Variants in MIB1 observed in about 807,000 individuals in gnomAD.
MIB1 encodes E3 ubiquitin-protein ligase MIB1.
Under a neutral mutation model 124.5 loss-of-function variants are expected in MIB1, and 278 were observed. The observed-to-expected ratio is 2.23, with a 90% CI of 2.02 to 2.47. The LOEUF is 2.47. Ranked by LOEUF, MIB1 falls within the 30% of genes most tolerant of loss-of-function variation. The pLI is 0.00. For synonymous variants in MIB1, 446 were observed against 429.4 expected, an observed-to-expected ratio of 1.04 and a Z score of -0.48; for missense variants, 957 against 1,254.4, an observed-to-expected ratio of 0.76 and a Z score of 3.58.
intron 11 of MIB1, 140 bp downstream of exon 11, chr18:21,815,953 A>G (rs1019683095): frequency 1.3e-6 from 1 of 773,962 alleles, no homozygotes; most frequent in Non-Finnish European, 2.0e-6. Flanking sequence ...AGATGTTACA[A>G]AATTGGCAGC....
intron 15 of MIB1, among the ~76,000 whole-genome samples, chr18:21,845,453 G>A (rs1382394860): frequency 6.6e-6 from 1 of 152,052 alleles, no homozygotes. Flanking sequence ...GATCGCTAAG[G>A]TTTTCTTTTA....
In MIB1 at chr18:21,779,488, G is replaced by GAA; in HGVS notation, c.712_713dup (p.Asn238LysfsTer16). ...TTGCCTCTGAAATTACAGGTGAGCA[G>GAA]AATGGCAACAGGAATCCTGGTGGAT... On this transcript the variant is annotated frameshift_variant, in exon 6 of 21. Coordinates refer to ENST00000261537, the MANE Select transcript of MIB1 (RefSeq NM_020774.4). LOFTEE classifies it high-confidence loss of function. The GAA allele has an allele frequency of 6.2e-7, 1 of 1,614,058 alleles. No homozygotes were observed. Among genetic ancestry groups the GAA allele is most frequent in the Non-Finnish European group, 8.5e-7 (1 of 1,179,930 alleles).
At chr18:21,752,549 T>A (rs2040986213) in intron 1 of MIB1, among the ~76,000 whole-genome samples, 1 of 152,224 alleles carries the variant, frequency 6.6e-6, no homozygotes, top group African/African-American at 2.4e-5. Context: ...AACGAACTCA[T>A]GTAACCTGGG....
chr18:21,756,724 A>C (rs1053611276), intron 1 of MIB1, among the ~76,000 whole-genome samples: 3 of 152,174 alleles, frequency 2.0e-5, no homozygotes, highest in Non-Finnish European at 4.4e-5. Flanking sequence ...TGGGCCTCCC[A>C]AAGTGCTGGG....
At position 21,844,091 on chromosome 18, in the gene MIB1, G is replaced by T; in HGVS notation, c.2050-1G>T. The stretch of plus-strand genomic sequence containing the variant: ...CAAAATGAGACATCTTTCTCTTTTA[G>T]CTTTTGGTCCGTGCAGGTGCCAAGC... On this transcript the variant is annotated splice_acceptor_variant, in intron 14 of 20. Transcript: ENST00000261537. LOFTEE classifies it high-confidence loss of function. The T allele has an allele frequency of 6.2e-7, 1 of 1,613,408 alleles. No individual in the cohort carries two copies. The highest frequency in any genetic ancestry group is 8.5e-7 in the Non-Finnish European group (1 of 1,179,838).
rs201260273 is a variant in MIB1, at chr18:21,861,662, AC to A, written c.2881-2863del. ...CCTTCAAGGTTATTAAAAAAAAAAA[AC>A]AAACAACAACCAGAAAACATTCGAA... On this transcript the variant is annotated intron_variant, in intron 20 of 20. Coordinates refer to ENST00000261537, the MANE Select transcript of MIB1 (RefSeq NM_020774.4). 5.2e-3 allele frequency among the ~76,000 whole-genome samples: 759 copies of A among 146,648 alleles called. 10 individuals carry two copies. Among genetic ancestry groups the A allele is most frequent in the Middle Eastern group, 0.05 (14 of 278 alleles).
At chr18:21,842,506 A>G (rs1461905925) in intron 13 of MIB1, among the ~76,000 whole-genome samples, 1 of 152,150 alleles carries the variant, frequency 6.6e-6, no homozygotes, top group Non-Finnish European at 1.5e-5. Flanking sequence ...CTGACTCCCA[A>G]GTGCACTTAT....
intron 13 of MIB1, among the ~76,000 whole-genome samples, chr18:21,840,513 G>T (rs1426005054): frequency 6.6e-6 from 1 of 151,742 alleles, no homozygotes; most frequent in Admixed American, 6.6e-5. Flanking sequence ...AGCCAGCCAG[G>T]CCTGTTGACT....
chr18:21,749,684 A>G (rs2040952348), intron 1 of MIB1, among the ~76,000 whole-genome samples: 1 of 85,642 alleles, frequency 1.2e-5, no homozygotes, highest in Non-Finnish European at 2.0e-5. Flanking sequence ...TTTATTGCCC[A>G]GGCTGGAGTA....
chr18:21,721,327 T>C (rs1165373098), intron 1 of MIB1, among the ~76,000 whole-genome samples: 1 of 151,400 alleles, frequency 6.6e-6, no homozygotes, highest in Non-Finnish European at 1.5e-5. Flanking sequence ...ATTACAAGCA[T>C]ACACCGCCAC....
intron 13 of MIB1, among the ~76,000 whole-genome samples, chr18:21,838,840 CTG>C (rs2042057549): frequency 6.6e-6 from 1 of 152,194 alleles, no homozygotes; most frequent in Non-Finnish European, 1.5e-5. Flanking sequence ...CAAGAACCAT[CTG>C]TGTTGATACT....
At chr18:21,714,357 G>T (rs1053216743) in intron 1 of MIB1, among the ~76,000 whole-genome samples, 10 of 152,212 alleles carry the variant, frequency 6.6e-5, no homozygotes, top group African/African-American at 1.9e-4. Context: ...GTTTCATGCT[G>T]GGAGTAGGGA....
chr18:21,834,752 C>A (rs189587566), intron 12 of MIB1, among the ~76,000 whole-genome samples: 1 of 152,280 alleles, frequency 6.6e-6, no homozygotes, highest in East Asian at 1.9e-4. Context: ...GGGAAACTGT[C>A]ACAACCAAAG....
intron 1 of MIB1, among the ~76,000 whole-genome samples, chr18:21,710,306 C>G (rs1313851226): frequency 6.6e-6 from 1 of 151,930 alleles, no homozygotes; most frequent in Non-Finnish European, 1.5e-5. Context: ...ATTGGCCAGG[C>G]TGGTCTAGAA....
At chr18:21,771,472 T>A (rs1181211917) in intron 3 of MIB1, among the ~76,000 whole-genome samples, 1 of 152,236 alleles carries the variant, frequency 6.6e-6, no homozygotes, top group South Asian at 2.1e-4. Context: ...CAGAAGGAAC[T>A]TTTTGCTACA....
intron 18 of MIB1, among the ~76,000 whole-genome samples, chr18:21,856,090 C>T (rs905215965): frequency 6.6e-6 from 1 of 151,142 alleles, no homozygotes; most frequent in South Asian, 2.1e-4. Context: ...ATTAGCCGGG[C>T]GCGGTGGCGG....
rs117723077 is a variant in MIB1, at chr18:21,747,441, A to G, written c.229+5629A>G. On this transcript the variant is annotated intron_variant, in intron 1 of 20. Transcript: ENST00000261537. ...AGTATTTCTAATAAGCTCATAGGTG[A>G]TGCAGATACTGCAGGCTCAAGGACA... Among the ~76,000 whole-genome samples, 1,475 of 152,332 alleles carry G rather than the reference A, an allele frequency of 9.7e-3. 13 individuals carry two copies. The highest frequency in any genetic ancestry group is 0.016 in the Non-Finnish European group (1,061 of 68,024).
At position 21,741,475 on chromosome 18, in the gene MIB1, G is replaced by C. The variant is rs1038157466; in HGVS notation, c.-109G>C. ...CTCACGTCCCCCGGGGCTCGCTGCCGCCCCCGCCGACGCCTAGAGTCCGGC... is the reference window on the plus strand; with the variant it reads ...CTCACGTCCCCCGGGGCTCGCTGCCCCCCCCGCCGACGCCTAGAGTCCGGC... On this transcript the variant is annotated 5_prime_UTR_variant, in exon 1 of 21. Coordinates refer to ENST00000261537, the MANE Select transcript of MIB1 (RefSeq NM_020774.4). The surrounding 1 kb of genome is among the most constrained non-coding windows in gnomAD (Gnocchi z 5.4). 39 of 550,338 alleles carry C rather than the reference G, an allele frequency of 7.1e-5. No individual in the cohort carries two copies. Among genetic ancestry groups the C allele is most frequent in the South Asian group, 8.7e-5 (1 of 11,488 alleles). The allele number at this position is 550,338 out of a possible 1,614,324, so 34.1% of individuals were successfully genotyped here. A position where few individuals can be genotyped will look rare whatever the true frequency, so the allele number is the denominator to read the frequency against.
chr18:21,796,642 A>G (rs986845615), intron 7 of MIB1, among the ~76,000 whole-genome samples: 1 of 152,198 alleles, frequency 6.6e-6, no homozygotes, highest in Non-Finnish European at 1.5e-5. Flanking sequence ...CACTGTGACC[A>G]TTTTAGTAAT....
Sources: gnomAD v4.1 joint callset for allele counts (sites outside exome capture counted in the v4.1 genomes callset) on GRCh38, gnomAD v4.1.1 for gene constraint, Gnocchi (gnomAD v3.1) non-coding constraint, MANE v1.5 for transcripts, NCBI Gene and HGNC (gene_info 2026-07-23, HGNC 2026-07-21) for gene names.